CNTNAP2: variants seen among roughly 807,000 people sequenced by gnomAD.
CNTNAP2 encodes contactin-associated protein-like 2.
CNTNAP2 carries 98 observed loss-of-function variants against 155.2 expected under a neutral mutation model. The observed-to-expected ratio is 0.63, with a 90% CI of 0.54 to 0.75. The LOEUF (loss-of-function observed/expected upper bound fraction) is 0.75, where lower values mean the gene tolerates loss of function less well. Ranked by LOEUF, CNTNAP2 falls within the 30% of genes least tolerant of loss-of-function variation. The pLI is 0.00. For synonymous variants in CNTNAP2, 651 were observed against 631.2 expected (o/e 1.03, Z -0.47); for missense variants, 1,727 against 1,688.1 (o/e 1.02, Z -0.40).
chr7:146,557,800 AT>A (rs1385195169), intron 1 of CNTNAP2, among the ~76,000 whole-genome samples: 2 of 152,174 alleles, frequency 1.3e-5, no homozygotes, highest in African/African-American at 4.8e-5. Flanking sequence ...AGCTAATTTA[AT>A]TTTGTTGTTT....
intron 9 of CNTNAP2, among the ~76,000 whole-genome samples, chr7:147,339,955 G>T (rs1795732437): frequency 6.6e-6 from 1 of 152,262 alleles, no homozygotes; most frequent in South Asian, 2.1e-4. Context: ...CTCCTGCACT[G>T]CAGTAAGCAG....
intron 3 of CNTNAP2, among the ~76,000 whole-genome samples, chr7:146,939,650 C>T (rs563271346): frequency 6.6e-6 from 1 of 152,006 alleles, no homozygotes; most frequent in Non-Finnish European, 1.5e-5. Flanking sequence ...CATTCTTAAC[C>T]CATCAGTTTT....
At chr7:146,422,438 G>A (rs1052894069) in intron 1 of CNTNAP2, among the ~76,000 whole-genome samples, 7 of 150,706 alleles carry the variant, frequency 4.6e-5, no homozygotes, top group African/African-American at 1.2e-4. Context: ...AGTTACTTAT[G>A]CTATTTTGTC....
intron 2 of CNTNAP2, among the ~76,000 whole-genome samples, chr7:146,798,099 A>G (rs1193746044): frequency 2.0e-5 from 3 of 151,830 alleles, no homozygotes; most frequent in Non-Finnish European, 4.4e-5. Context: ...CATGGCAAAA[A>G]CTGTCTCTCT....
In CNTNAP2 at chr7:146,839,610, C is replaced by T. The variant is rs1041507582; in HGVS notation, c.209-101C>T. On this transcript the variant is annotated intron_variant, in intron 2 of 23. Coordinates refer to ENST00000361727, the MANE Select transcript of CNTNAP2 (RefSeq NM_014141.6). ...TTCATAATATATCTGTGAAATAGAG[C>T]ACTGCCAAGACCAATTAAGATATGT... 5 of 1,205,300 alleles carry T rather than the reference C, an allele frequency of 4.1e-6. No individual in the cohort carries two copies. In the African/African-American group the frequency reaches 4.5e-5, roughly 11 times the overall value. The allele number at this position is 1,205,300 out of a possible 1,614,324, so 74.7% of individuals were successfully genotyped here.
chr7:146,430,731 T>C (rs1468479041), intron 1 of CNTNAP2, among the ~76,000 whole-genome samples: 1 of 152,070 alleles, frequency 6.6e-6, no homozygotes, highest in East Asian at 1.9e-4. Context: ...CAATTCTAAT[T>C]ATTTTTCTAC....
chr7:148,314,811 G>A (rs1797658506), intron 21 of CNTNAP2, among the ~76,000 whole-genome samples: 1 of 152,214 alleles, frequency 6.6e-6, no homozygotes, highest in Non-Finnish European at 1.5e-5. Flanking sequence ...CTGAAATGTG[G>A]GTGAATAATC....
intron 1 of CNTNAP2, among the ~76,000 whole-genome samples, chr7:146,487,085 C>T (rs969622824): frequency 6.6e-6 from 1 of 152,134 alleles, no homozygotes; most frequent in East Asian, 1.9e-4. Context: ...TTCGCTAGGA[C>T]CCACATTCTC....
At chr7:146,295,150 A>G (rs965590298) in intron 1 of CNTNAP2, among the ~76,000 whole-genome samples, 1 of 152,180 alleles carries the variant, frequency 6.6e-6, no homozygotes, top group Non-Finnish European at 1.5e-5. Flanking sequence ...CATTTTAGCC[A>G]ACTATGGAAC....
intron 12 of CNTNAP2, among the ~76,000 whole-genome samples, chr7:147,563,409 T>C (rs1190950669): frequency 6.6e-6 from 1 of 151,984 alleles, no homozygotes; most frequent in East Asian, 1.9e-4. Context: ...GGTAGGTGGA[T>C]CATGAGGTCA....
At chr7:146,963,175 A>C (rs967487185) in intron 3 of CNTNAP2, 1 of 152,226 alleles carries the variant, frequency 6.6e-6, no homozygotes, top group Non-Finnish European at 1.5e-5. Flanking sequence ...CTTCTAAATA[A>C]AGAATTCAAA....
intron 20 of CNTNAP2, among the ~76,000 whole-genome samples, chr7:148,257,193 TG>T (rs1796470055): frequency 6.6e-6 from 1 of 152,110 alleles, no homozygotes; most frequent in African/African-American, 2.4e-5. Context: ...CCTACCCCTC[TG>T]ATCTCCCCAG....
intron 10 of CNTNAP2, among the ~76,000 whole-genome samples, chr7:147,464,207 C>T (rs1052410408): frequency 2.0e-5 from 3 of 152,064 alleles, no homozygotes; most frequent in Admixed American, 6.5e-5. Flanking sequence ...GTGGCTCACA[C>T]TTGTAATTCC....
chr7:147,129,484 C>T (rs569829888), intron 7 of CNTNAP2, among the ~76,000 whole-genome samples: 30 of 152,158 alleles, frequency 2.0e-4, no homozygotes, highest in Non-Finnish European at 3.1e-4. Context: ...AGCACACATG[C>T]TTCCAAACGA....
intron 13 of CNTNAP2, among the ~76,000 whole-genome samples, chr7:147,865,822 A>G (rs529309513): frequency 2.0e-5 from 3 of 150,382 alleles, no homozygotes; most frequent in Non-Finnish European, 4.5e-5. Context: ...CTCTGTTTTC[A>G]TTAGTCTTGC....
At chr7:147,212,553 AG>A (rs1475273306) in intron 8 of CNTNAP2, among the ~76,000 whole-genome samples, 2 of 152,150 alleles carry the variant, frequency 1.3e-5, no homozygotes, top group African/African-American at 4.8e-5. Context: ...ATTGACAAAA[AG>A]ATGGCAACAG....
chr7:147,996,798 C>T (rs1801810675), intron 15 of CNTNAP2, among the ~76,000 whole-genome samples: 1 of 152,110 alleles, frequency 6.6e-6, no homozygotes, highest in Admixed American at 6.6e-5. Context: ...TAATAAATTA[C>T]AATCTGAAGT....
chr7:147,529,337 T>C (rs556121512), intron 11 of CNTNAP2, among the ~76,000 whole-genome samples: 8 of 152,330 alleles, frequency 5.3e-5, no homozygotes, highest in African/African-American at 1.9e-4. Context: ...TAAAAACCAA[T>C]CTTCCTTTTC....
Position 146,135,863 on chromosome 7 carries a change from C to T in CNTNAP2, c.97+18890C>T, listed in dbSNP as rs1031664119. 1.1e-4 allele frequency among the ~76,000 whole-genome samples: 16 copies of T among 151,872 alleles called. No homozygotes were observed. The South Asian group carries it at 1.9e-3, about 18-fold the overall frequency. The stretch of plus-strand genomic sequence containing the variant: ...AAAAATACCAAGGAAGAAAAAAATG[C>T]TTGTCTCTCTATGTTCAAGCTGGTA... On this transcript the variant is annotated intron_variant, in intron 1 of 23. Transcript: ENST00000361727.
Sources: gnomAD v4.1 joint callset for allele counts (sites outside exome capture counted in the v4.1 genomes callset) on GRCh38, gnomAD v4.1.1 for gene constraint, MANE v1.5 for transcripts, NCBI Gene and HGNC (gene_info 2026-07-23, HGNC 2026-07-21) for gene names.